ZSCAN5A: variants seen among roughly 807,000 people sequenced by gnomAD.
ZSCAN5A encodes zinc finger and SCAN domain containing 5A.
In ZSCAN5A, 12 loss-of-function variants were observed where a neutral mutation model predicts 23.7. The ratio of observed to expected loss-of-function variants is 0.51; its 90% CI spans 0.32 to 0.82. ZSCAN5A has a LOEUF of 0.82. ZSCAN5A is among the 40% of genes least tolerant of loss of function. The pLI, the probability that ZSCAN5A is intolerant of heterozygous loss-of-function variation, is 0.03. For missense variants in ZSCAN5A, 597 were observed against 617.9 expected (o/e 0.97, Z 0.36); for synonymous variants, 257 against 239.9 (o/e 1.07, Z -0.66).
intron 2 of ZSCAN5A, among the ~76,000 whole-genome samples, chr19:56,277,023 C>CAAAG (rs2038316645): frequency 1.3e-5 from 2 of 151,974 alleles, no homozygotes; most frequent in Non-Finnish European, 2.9e-5. Context: ...AAATGGAAGC[C>CAAAG]AAAGCCACAG....
At chr19:56,242,376 T>C (rs1207849071) in intron 2 of ZSCAN5A, among the ~76,000 whole-genome samples, 1 of 152,222 alleles carries the variant, frequency 6.6e-6, no homozygotes, top group African/African-American at 2.4e-5. Flanking sequence ...TCTAGCGGGT[T>C]ATGTGTTTTC....
intron 3 of ZSCAN5A, 118 bp from the exon 4 acceptor site, chr19:56,223,952 C>T: frequency 4.1e-6 from 4 of 969,726 alleles, no homozygotes; most frequent in East Asian, 2.6e-5. Context: ...AATCTGCCTT[C>T]CCAATAGAGA....
At chr19:56,285,057 TCTTTCTCTTGTCCGCAAGGTAATG>T in intron 2 of ZSCAN5A, 1 of 981,214 alleles carries the variant, frequency 1.0e-6, no homozygotes, top group Non-Finnish European at 1.2e-6. Context: ...TTAAACCTGG[TCTTTCTCTTGTCCGCAAGGTAATG>T]TAGACTTATT....
rs564999842 is a variant in ZSCAN5A, at chr19:56,230,384, C to T, written c.-127-5211G>A. On this transcript the variant is annotated intron_variant, in intron 2 of 5. Coordinates refer to ENST00000683990, the MANE Select transcript of ZSCAN5A (RefSeq NM_001322064.3). ...CAGGCATGAGCCACCATACCCGGCC[C>T]CAACATATTATTATTAACAAAGGTC... Among the ~76,000 whole-genome samples, 7 of 152,258 alleles carry T rather than the reference C, an allele frequency of 4.6e-5. No homozygotes were observed. The East Asian group carries it at 1.4e-3, about 29-fold the overall frequency.
chr19:56,241,747 T>G (rs1341343525), intron 2 of ZSCAN5A, among the ~76,000 whole-genome samples: 2 of 152,208 alleles, frequency 1.3e-5, no homozygotes, highest in African/African-American at 4.8e-5. Flanking sequence ...ATCCCAGCCC[T>G]GGTAACCACC....
intron 2 of ZSCAN5A, among the ~76,000 whole-genome samples, chr19:56,244,853 G>A (rs1385511750): frequency 4.0e-5 from 6 of 151,538 alleles, no homozygotes; most frequent in Non-Finnish European, 7.4e-5. Flanking sequence ...GGGCCCAGGA[G>A]TCCCATCCTG....
intron 2 of ZSCAN5A, among the ~76,000 whole-genome samples, chr19:56,346,608 T>C (rs918139849): frequency 2.0e-5 from 3 of 151,936 alleles, no homozygotes; most frequent in African/African-American, 7.3e-5. Context: ...GAATTTTGGG[T>C]CCTAATGGTA....
At chr19:56,355,213 C>T (rs12972622) in intron 2 of ZSCAN5A, among the ~76,000 whole-genome samples, 1 of 148,486 alleles carries the variant, frequency 6.7e-6, no homozygotes, top group Non-Finnish European at 1.5e-5. Context: ...TTGAGTAACC[C>T]TGGGCAGTAA....
chr19:56,270,100 T>C (rs2037740927), intron 2 of ZSCAN5A, among the ~76,000 whole-genome samples: 3 of 151,314 alleles, frequency 2.0e-5, no homozygotes, highest in Admixed American at 2.0e-4. Context: ...CAGCACCACT[T>C]CCCTGCTCCA....
At chr19:56,252,676 CT>C (rs1030468022) in intron 2 of ZSCAN5A, among the ~76,000 whole-genome samples, 4 of 152,216 alleles carry the variant, frequency 2.6e-5, no homozygotes, top group Non-Finnish European at 5.9e-5. Flanking sequence ...CATGGTCAAA[CT>C]TTTAATAATC....
intron 2 of ZSCAN5A, among the ~76,000 whole-genome samples, chr19:56,259,639 C>T (rs899589366): frequency 6.6e-6 from 1 of 152,192 alleles, no homozygotes; most frequent in African/African-American, 2.4e-5. Flanking sequence ...GAGTTTCATA[C>T]TCAGGATTTG....
chr19:56,244,610 C>G (rs1200999529), intron 2 of ZSCAN5A, among the ~76,000 whole-genome samples: 1 of 137,878 alleles, frequency 7.3e-6, no homozygotes, highest in Non-Finnish European at 1.6e-5. Context: ...AGGGGGAGGA[C>G]AGGAGACGCT....
rs896372422 is a variant in ZSCAN5A, at chr19:56,352,187, C to T, written c.-358+11048G>A. Among the ~76,000 whole-genome samples, 1 of 151,966 alleles carries T rather than the reference C, an allele frequency of 6.6e-6. No individual in the cohort carries two copies. Among genetic ancestry groups the T allele is most frequent in the Admixed American group, 6.6e-5 (1 of 15,244 alleles). On this transcript the variant is annotated intron_variant, in intron 2 of 6. Transcript: ENST00000587340. This position sits in a 1 kb window ranked among gnomAD's most constrained non-coding sequence, Gnocchi z 4.2. ...CACGATCTCAGCTCACTGCAAGCTC[C>T]GCCTCCTGGATTCACGCCATTCTCC...
chr19:56,299,979 A>G (rs2040124453), intron 2 of ZSCAN5A: 1 of 152,180 alleles, frequency 6.6e-6, no homozygotes, highest in Non-Finnish European at 1.5e-5. Context: ...GAGAAAGGTA[A>G]TAATAGGCAA....
At chr19:56,302,052 T>C in intron 2 of ZSCAN5A, 1 of 1,231,854 alleles carries the variant, frequency 8.1e-7, no homozygotes, top group Admixed American at 4.2e-5. Context: ...TGCGCCTACA[T>C]GGTGATGACC....
chr19:56,333,873 A>T (rs2041512085), intron 2 of ZSCAN5A, among the ~76,000 whole-genome samples: 3 of 151,766 alleles, frequency 2.0e-5, no homozygotes, highest in South Asian at 4.1e-4. Context: ...ATATATATAT[A>T]AGAATCTTGT....
At chr19:56,285,463 C>T (rs1000605677) in intron 2 of ZSCAN5A, among the ~76,000 whole-genome samples, 1 of 152,160 alleles carries the variant, frequency 6.6e-6, no homozygotes, top group Non-Finnish European at 1.5e-5. Context: ...ATAACTTTAC[C>T]TCTTTCAAAT....
intron 1 of ZSCAN5A, chr19:56,365,185 G>T (rs929905230): frequency 2.0e-5 from 3 of 149,974 alleles, no homozygotes; most frequent in Non-Finnish European, 4.4e-5. Flanking sequence ...CCTATGACTT[G>T]ACTAATTATT....
chr19:56,277,466 G>A (rs191589823), intron 2 of ZSCAN5A, among the ~76,000 whole-genome samples: 123 of 150,902 alleles, frequency 8.2e-4, no homozygotes, highest in Admixed American at 2.0e-3. Flanking sequence ...TCCGTTTACC[G>A]TATATGAAAT....
Sources: allele counts gnomAD v4.1 joint callset (sites outside exome capture counted in the v4.1 genomes callset), GRCh38; gene constraint gnomAD v4.1.1; non-coding constraint Gnocchi (gnomAD v3.1); transcripts MANE v1.5; gene names NCBI Gene and HGNC (gene_info 2026-07-23, HGNC 2026-07-21).